The following CCDC13 variants were observed in gnomAD, a reference collection of about 807,000 sequenced individuals.
CCDC13 encodes the protein coiled-coil domain containing 13.
A neutral mutation model predicts 87.3 loss-of-function variants in CCDC13; 70 were observed. The ratio of observed to expected loss-of-function variants is 0.80; its 90% confidence interval spans 0.66 to 0.98. CCDC13 has a LOEUF of 0.98. Among genes scored for constraint, CCDC13 ranks in the 50% least tolerant of loss-of-function variants. The pLI is 0.00. For missense variants in CCDC13, 842 were observed against 892.0 expected, an observed-to-expected ratio of 0.94 and a Z score of 0.71; for synonymous variants, 317 against 360.3, an observed-to-expected ratio of 0.88 and a Z score of 1.36.
At chr3:42,761,250 C>A (rs1178425577) in intron 1 of CCDC13, among the ~76,000 whole-genome samples, 1 of 152,134 alleles carries the variant, frequency 6.6e-6, no homozygotes, top group African/African-American at 2.4e-5. Flanking sequence ...CCCACTGATA[C>A]CAGGCTCATA....
chr3:42,769,884 G>A (rs1374128996), intron 1 of CCDC13, among the ~76,000 whole-genome samples: 3 of 152,248 alleles, frequency 2.0e-5, no homozygotes, highest in African/African-American at 2.4e-5. Context: ...ATTTCTCACG[G>A]GGCCTTAGCT....
At position 42,735,768 on chromosome 3, in the gene CCDC13, A is replaced by G. The variant is rs1272748580; in HGVS notation, c.1310T>C (p.Val437Ala). The G allele has an allele frequency of 6.2e-7, 1 of 1,614,184 alleles. No homozygotes were observed. The highest frequency in any genetic ancestry group is 1.1e-5 in the South Asian group (1 of 91,086). Residue 437 changes from valine (V) to alanine (A), a missense_variant, in exon 10 of 16, where the codon GTA (valine) becomes GCA (alanine). By Grantham distance (64) the Val-to-Ala change is moderately conservative. Transcript: ENST00000310232. ...NSLVAQLQAM[V>A]AEREAKVRQL... ...TCGCACTTTGGCCTCCCGCTCAGCTACCATGGCCTGCAGCTGGGCGACTAG... is the reference window on the plus strand; with the variant it reads ...TCGCACTTTGGCCTCCCGCTCAGCTGCCATGGCCTGCAGCTGGGCGACTAG...
chr3:42,726,542 T>C (rs1474436332), intron 13 of CCDC13, among the ~76,000 whole-genome samples: 4 of 151,994 alleles, frequency 2.6e-5, no homozygotes, highest in Non-Finnish European at 5.9e-5. Context: ...ATTAAAAGAA[T>C]AGGGAGAGTG....
At chr3:42,726,280 G>C (rs1698686728) in intron 13 of CCDC13, among the ~76,000 whole-genome samples, 1 of 152,140 alleles carries the variant, frequency 6.6e-6, no homozygotes, top group African/African-American at 2.4e-5. Flanking sequence ...GACCTCAGGT[G>C]ATTCACCCAC....
intron 3 of CCDC13, among the ~76,000 whole-genome samples, chr3:42,752,946 A>T (rs1699622193): frequency 1.3e-5 from 2 of 152,228 alleles, no homozygotes; most frequent in Non-Finnish European, 2.9e-5. Flanking sequence ...GGAAAATGAT[A>T]AAAACAGAAA....
chr3:42,754,988 T>TACATATATATTTTGCTCA (rs1699673669), intron 3 of CCDC13, among the ~76,000 whole-genome samples: 1 of 152,128 alleles, frequency 6.6e-6, no homozygotes, highest in Admixed American at 6.5e-5. Context: ...TTCTTTAAAA[T>TACATATATATTTTGCTCA]ACATATAATA....
At chr3:42,725,568 A>C (rs1485927466) in intron 13 of CCDC13, among the ~76,000 whole-genome samples, 1 of 150,270 alleles carries the variant, frequency 6.7e-6, no homozygotes, top group Non-Finnish European at 1.5e-5. Context: ...GATAATATCC[A>C]TCTACAAGTT....
intron 4 of CCDC13, 46 bp from the exon 5 acceptor site, chr3:42,752,071 C>T (rs994697218): frequency 5.8e-6 from 9 of 1,543,298 alleles, no homozygotes; most frequent in Middle Eastern, 1.7e-4. Context: ...AGCGATTGTG[C>T]AGCCCAAGGA....
In CCDC13 at chr3:42,709,792, G is replaced by A; in HGVS notation, c.1880C>T (p.Pro627Leu). Residue 627 changes from proline to leucine, a missense_variant, in exon 15 of 16, where the codon CCC (proline) becomes CTC (leucine). Coordinates refer to ENST00000310232, the MANE Select transcript of CCDC13 (RefSeq NM_144719.4). ...RAAPRTKTGL[P>L]TSNNRHNPTG... ...TGGGTTGTGCCTGTTGTTAGAGGTG[G>A]GCAGACCTGTGGGGCAGCAGCAACC... 6.2e-7 allele frequency: 1 copy of A among 1,613,862 alleles called. No homozygotes were observed. Among genetic ancestry groups the A allele is most frequent in the Non-Finnish European group, 8.5e-7 (1 of 1,179,770 alleles).
chr3:42,726,965 T>TA (rs1157351384), intron 13 of CCDC13, among the ~76,000 whole-genome samples: 2 of 152,110 alleles, frequency 1.3e-5, no homozygotes, highest in Non-Finnish European at 2.9e-5. Context: ...TAGTAGATGA[T>TA]AAAAAACAAT....
At position 42,745,985 on chromosome 3, in the gene CCDC13, G is replaced by A; in HGVS notation, c.763C>T (p.Leu255Phe). 3 of 1,614,182 alleles carry A rather than the reference G, an allele frequency of 1.9e-6. No homozygotes were observed. The highest frequency in any genetic ancestry group is 2.5e-6 in the Non-Finnish European group (3 of 1,180,026). Reference sequence around the variant, plus strand: ...CTCCAGGTCCCTGGCGAAGATAGGAGCTGCTGAACGTTGATGTCTTCCCCA... The same window carrying A: ...CTCCAGGTCCCTGGCGAAGATAGGAACTGCTGAACGTTGATGTCTTCCCCA... ...EVGEDINVQQ[L>F]LSSPGTWRGR... Residue 255 changes from leucine (L) to phenylalanine (F), a missense_variant, in exon 7 of 16, where the codon CTC becomes TTC. By Grantham distance (22) the Leu-to-Phe change is conservative. Coordinates refer to ENST00000310232, the MANE Select transcript of CCDC13 (RefSeq NM_144719.4).
chr3:42,755,750 G>A (rs910010642), intron 3 of CCDC13, among the ~76,000 whole-genome samples: 8 of 152,212 alleles, frequency 5.3e-5, no homozygotes, highest in African/African-American at 1.9e-4. Flanking sequence ...GTCAGATGAG[G>A]CCACAACCAA....
intron 1 of CCDC13, among the ~76,000 whole-genome samples, chr3:42,768,182 A>T (rs910753064): frequency 5.3e-5 from 8 of 152,192 alleles, no homozygotes; most frequent in African/African-American, 1.4e-4. Flanking sequence ...CTAGACACAG[A>T]CCTCATCCCT....
At chr3:42,749,714 G>A (rs529668580) in intron 5 of CCDC13, 131 of 354,424 alleles carry the variant, frequency 3.7e-4, no homozygotes, top group African/African-American at 2.7e-3. Context: ...GCTTTGTGGG[G>A]GACCTGGGTA....
At chr3:42,749,817 C>T (rs1029671205) in intron 5 of CCDC13, 1 of 455,472 alleles carries the variant, frequency 2.2e-6, no homozygotes, top group Admixed American at 2.4e-5. Context: ...ACGCTACTCA[C>T]ATCACGGCCT....
rs201230563 is a variant in CCDC13 at position 42,709,808 on chromosome 3, A to C, written c.1874-10T>G. Reference sequence around the variant, plus strand: ...TTAGAGGTGGGCAGACCTGTGGGGCAGCAGCAACCACTTTCTGTGAGGAGG... The same window carrying C: ...TTAGAGGTGGGCAGACCTGTGGGGCCGCAGCAACCACTTTCTGTGAGGAGG... On this transcript the variant is annotated splice_polypyrimidine_tract_variant and intron_variant, in intron 14 of 15. Coordinates refer to ENST00000310232, the MANE Select transcript of CCDC13 (RefSeq NM_144719.4). The C allele has an allele frequency of 2.6e-5, 42 of 1,606,926 alleles. No individual in the cohort carries two copies. The African/African-American group carries it at 5.3e-4, about 20-fold the overall frequency.
intron 4 of CCDC13, 112 bp from the exon 5 acceptor site, chr3:42,752,137 A>T (rs2125905006): frequency 2.3e-6 from 2 of 862,800 alleles, no homozygotes. Flanking sequence ...GTGTCCTTTT[A>T]GCTCACTTTA....
chr3:42,737,792 T>C (rs1364043141), intron 9 of CCDC13, among the ~76,000 whole-genome samples: 2 of 152,218 alleles, frequency 1.3e-5, no homozygotes, highest in Admixed American at 1.3e-4. Context: ...TTGAGTTCTT[T>C]GTAGATTCTG....
chr3:42,709,884 C>T (rs906014199), intron 14 of CCDC13, 86 bp from the exon 15 acceptor site: 2 of 1,007,642 alleles, frequency 2.0e-6, no homozygotes, highest in African/African-American at 1.6e-5. Flanking sequence ...TGCCCACTGC[C>T]TGCTCTTCCA....
Sources: allele counts gnomAD v4.1 joint callset (sites outside exome capture counted in the v4.1 genomes callset), GRCh38; gene constraint gnomAD v4.1.1; transcripts MANE v1.5; gene names NCBI Gene and HGNC (gene_info 2026-07-23, HGNC 2026-07-21).